ARHGEF28: variants seen among roughly 807,000 people sequenced by gnomAD.
The protein encoded by ARHGEF28 is Rho guanine nucleotide exchange factor 28.
A neutral mutation model predicts 206.6 loss-of-function variants in ARHGEF28; 152 were observed. That is an observed-to-expected ratio of 0.74 (90% confidence interval 0.64 to 0.84). ARHGEF28 has a LOEUF of 0.84. ARHGEF28 is among the 40% of genes least tolerant of loss of function. ARHGEF28 has a pLI of 0.00. For synonymous variants in ARHGEF28, 763 were observed against 776.4 expected (o/e 0.98, Z 0.29); for missense variants, 2,028 against 2,073.2 (o/e 0.98, Z 0.42).
intron 9 of ARHGEF28, among the ~76,000 whole-genome samples, chr5:73,819,632 T>G (rs1307234817): frequency 6.6e-6 from 1 of 152,126 alleles, no homozygotes; most frequent in African/African-American, 2.4e-5. Context: ...ACTGCAAACA[T>G]GTAAAGAGAA....
chr5:73,922,085 C>T (rs936109790), intron 35 of ARHGEF28, among the ~76,000 whole-genome samples: 1 of 152,216 alleles, frequency 6.6e-6, no homozygotes, highest in African/African-American at 2.4e-5. Context: ...CTAAAGTGTC[C>T]TCAGAAGCCT....
intron 9 of ARHGEF28, among the ~76,000 whole-genome samples, chr5:73,829,176 G>T (rs529039611): frequency 4.9e-4 from 75 of 152,170 alleles, no homozygotes; most frequent in South Asian, 4.1e-4. Flanking sequence ...GTCCATCTTG[G>T]AGATGTCCAC....
chr5:73,927,081 C>T (rs928458179), intron 35 of ARHGEF28, among the ~76,000 whole-genome samples: 1 of 152,068 alleles, frequency 6.6e-6, no homozygotes, highest in African/African-American at 2.4e-5. Flanking sequence ...GCTTTCTTGG[C>T]CAGGTGCAGT....
rs182496834 is a variant in ARHGEF28 at position 73,852,468 on chromosome 5, C to T, written c.1748-182C>T. Among the ~76,000 whole-genome samples, 32 of 152,180 alleles carry T rather than the reference C, an allele frequency of 2.1e-4. No homozygotes were observed. The East Asian group carries it at 3.1e-3, about 15-fold the overall frequency. On this transcript the variant is annotated intron_variant, in intron 13 of 35. Coordinates refer to ENST00000513042, the MANE Select transcript of ARHGEF28 (RefSeq NM_001177693.2). ...GTTTCTCCCTACCCTCTTTAAATTA[C>T]AGAAAGTGATTTAAAAAAATCCAGA...
At chr5:73,914,487 C>A (rs1303273633) in intron 35 of ARHGEF28, among the ~76,000 whole-genome samples, 1 of 149,204 alleles carries the variant, frequency 6.7e-6, no homozygotes, top group African/African-American at 2.5e-5. Flanking sequence ...ACCTCCACCT[C>A]CCGAGTTCAG....
At chr5:73,683,501 G>A (rs1747237119) in intron 1 of ARHGEF28, among the ~76,000 whole-genome samples, 1 of 151,880 alleles carries the variant, frequency 6.6e-6, no homozygotes, top group Non-Finnish European at 1.5e-5. Flanking sequence ...GGGTAATGTT[G>A]TCAAGGCTTG....
chr5:73,938,251 AGAG>A (rs1764535444), intron 35 of ARHGEF28, among the ~76,000 whole-genome samples: 1 of 150,758 alleles, frequency 6.6e-6, no homozygotes, highest in Non-Finnish European at 1.5e-5. Flanking sequence ...TTCTTGAAGT[AGAG>A]CATACAATGT....
At chr5:73,880,233 G>T (rs867750595) in intron 22 of ARHGEF28, among the ~76,000 whole-genome samples, 31 of 152,364 alleles carry the variant, frequency 2.0e-4, no homozygotes, top group African/African-American at 6.5e-4. Context: ...CTCCGAGCCA[G>T]GTGTGGGATA....
chr5:73,806,995 A>T (rs116630961), intron 9 of ARHGEF28, among the ~76,000 whole-genome samples: 2 of 149,436 alleles, frequency 1.3e-5, no homozygotes, highest in African/African-American at 4.9e-5. Context: ...TTTGCATTTT[A>T]AAATTATTAA....
intron 35 of ARHGEF28, among the ~76,000 whole-genome samples, chr5:73,938,387 C>G (rs1257530507): frequency 2.0e-5 from 3 of 152,090 alleles, no homozygotes; most frequent in Admixed American, 6.5e-5. Flanking sequence ...ATTTTTTGCT[C>G]CATGTTTCAC....
intron 1 of ARHGEF28, among the ~76,000 whole-genome samples, chr5:73,679,055 A>T (rs909927338): frequency 1.3e-5 from 2 of 152,150 alleles, no homozygotes; most frequent in African/African-American, 4.8e-5. Flanking sequence ...TGCCCGGTTA[A>T]TTTCAAAATT....
chr5:73,806,266 T>C (rs1755431579), intron 9 of ARHGEF28, among the ~76,000 whole-genome samples: 1 of 137,596 alleles, frequency 7.3e-6, no homozygotes, highest in Non-Finnish European at 1.5e-5. Context: ...ATATAGTATA[T>C]ATAGATATAT....
intron 10 of ARHGEF28, among the ~76,000 whole-genome samples, chr5:73,836,078 T>C (rs1757615025): frequency 6.6e-6 from 1 of 152,262 alleles, no homozygotes; most frequent in African/African-American, 2.4e-5. Flanking sequence ...ATTCCATCTC[T>C]TGGCTACTGT....
At chr5:73,777,426 C>T (rs1228532220) in intron 6 of ARHGEF28, among the ~76,000 whole-genome samples, 1 of 152,096 alleles carries the variant, frequency 6.6e-6, no homozygotes, top group Non-Finnish European at 1.5e-5. Flanking sequence ...TGTTCTCAAG[C>T]ACATTCCTTC....
Position 73,752,897 on chromosome 5 carries a change from CTTG to C in ARHGEF28, c.182-7_182-5del. The stretch of plus-strand genomic sequence containing the variant: ...AGACTTGGGGTGAACTGTTCACTGT[CTTG>C]TTGTCCAGGCCATGGGCTTCAGGAG... On this transcript the variant is annotated splice_polypyrimidine_tract_variant and intron_variant, in intron 3 of 35. Transcript: ENST00000513042. 2 of 1,613,442 alleles carry C rather than the reference CTTG, an allele frequency of 1.2e-6. No homozygotes were observed. Among genetic ancestry groups the C allele is most frequent in the East Asian group, 2.2e-5 (1 of 44,880 alleles).
At position 73,862,860 on chromosome 5, in the gene ARHGEF28, T is replaced by TAA. The variant is rs35766981; in HGVS notation, c.2048-1944_2048-1943dup. Among the ~76,000 whole-genome samples, 119 of 145,678 alleles carry TAA rather than the reference T, an allele frequency of 8.2e-4. No individual in the cohort carries two copies. The East Asian group carries it at 0.017, about 21-fold the overall frequency. ...GTTTTACTGCTCACTTTTGTTTCTT[T>TAA]AAAAAAAAAAAAAACTACAGTGAAT... On this transcript the variant is annotated intron_variant, in intron 16 of 35. Coordinates refer to ENST00000513042, the MANE Select transcript of ARHGEF28 (RefSeq NM_001177693.2).
chr5:73,813,349 C>A (rs1755959831), intron 9 of ARHGEF28: 1 of 333,662 alleles, frequency 3.0e-6, no homozygotes, highest in Non-Finnish European at 4.3e-6. Context: ...CCACTTCTCC[C>A]TCCTTTACTT....
intron 9 of ARHGEF28, among the ~76,000 whole-genome samples, chr5:73,818,666 A>T (rs1756383447): frequency 1.3e-5 from 2 of 152,254 alleles, no homozygotes; most frequent in Admixed American, 1.3e-4. Flanking sequence ...TTGTCAGCAG[A>T]GTAGAGGAGG....
intron 1 of ARHGEF28, among the ~76,000 whole-genome samples, chr5:73,660,206 T>G (rs1174749533): frequency 6.6e-6 from 1 of 152,238 alleles, no homozygotes; most frequent in East Asian, 1.9e-4. Flanking sequence ...TCACAGCATC[T>G]TCACTAGGAG....
Sources: gnomAD v4.1 joint callset for allele counts (sites outside exome capture counted in the v4.1 genomes callset) on GRCh38, gnomAD v4.1.1 for gene constraint, MANE v1.5 for transcripts, NCBI Gene and HGNC (gene_info 2026-07-23, HGNC 2026-07-21) for gene names.